The following MAML2 variants were observed in gnomAD, a reference collection of about 807,000 sequenced individuals.
The protein encoded by MAML2 is mastermind like transcriptional coactivator 2.
MAML2 carries 22 observed loss-of-function variants against 96.1 expected under a neutral mutation model. The ratio of observed to expected loss-of-function variants is 0.23; its 90% CI spans 0.16 to 0.33. The LOEUF (loss-of-function observed/expected upper bound fraction) is 0.33. MAML2 is among the 10% of genes least tolerant of loss of function. The probability of loss-of-function intolerance (pLI) is 1.00; values close to 1 mark genes in which losing one functional copy is unlikely to be tolerated. For missense variants in MAML2, 1,367 were observed against 1,392.4 expected, an observed-to-expected ratio of 0.98 and a Z score of 0.29; for synonymous variants, 561 against 521.3, an observed-to-expected ratio of 1.08 and a Z score of -1.04.
chr11:96,218,215 G>T (rs1241385376), intron 1 of MAML2, among the ~76,000 whole-genome samples: 1 of 152,232 alleles, frequency 6.6e-6, no homozygotes, highest in Non-Finnish European at 1.5e-5. Flanking sequence ...ACAGAAGGCA[G>T]CTGTAACGCA....
chr11:96,103,957 G>A (rs1000311294), intron 1 of MAML2, among the ~76,000 whole-genome samples: 1 of 152,146 alleles, frequency 6.6e-6, no homozygotes, highest in Middle Eastern at 3.4e-3. Flanking sequence ...TCCTCTCACC[G>A]GATATGCTCT....
At chr11:95,995,202 C>T (rs961871954) in intron 2 of MAML2, among the ~76,000 whole-genome samples, 30 of 152,198 alleles carry the variant, frequency 2.0e-4, no homozygotes, top group African/African-American at 7.0e-4. Context: ...TGTCAGGTCT[C>T]TGAGAAATGT....
chr11:96,068,895 T>C, intron 2 of MAML2, among the ~76,000 whole-genome samples: 1 of 150,410 alleles, frequency 6.6e-6, no homozygotes, highest in Non-Finnish European at 1.5e-5. Context: ...AAGCGATAAT[T>C]TTTCCTTCCT....
intron 1 of MAML2, among the ~76,000 whole-genome samples, chr11:96,279,090 TTGAC>T (rs140101929): frequency 0.028 from 4,302 of 152,146 alleles, 86 homozygotes; most frequent in Non-Finnish European, 0.046. Flanking sequence ...AAAAGACTGA[TTGAC>T]TGACATGAAG....
rs534622501 is a variant in MAML2 at position 96,130,770 on chromosome 11, A to AAT, written c.514-37254_514-37253insAT. 5.5e-4 allele frequency among the ~76,000 whole-genome samples: 81 copies of AAT among 147,538 alleles called. 1 individual carries two copies. The South Asian group carries it at 0.017, about 31-fold the overall frequency. ...TTACTTGACCAAATTGTTTATTCTG[A>AAT]TTTTTTTTTTTTTAGTAATTAAAAC... is the stretch of plus-strand genomic sequence containing the variant. On this transcript the variant is annotated intron_variant, in intron 1 of 4. Coordinates refer to ENST00000524717, the MANE Select transcript of MAML2 (RefSeq NM_032427.4).
intron 1 of MAML2, among the ~76,000 whole-genome samples, chr11:96,130,342 AG>A (rs1860525168): frequency 6.6e-6 from 1 of 152,216 alleles, no homozygotes; most frequent in African/African-American, 2.4e-5. Flanking sequence ...AAACTCAAGA[AG>A]GATATGTGAT....
intron 1 of MAML2, among the ~76,000 whole-genome samples, chr11:96,268,763 C>G (rs958838869): frequency 3.7e-5 from 4 of 109,408 alleles, no homozygotes; most frequent in Admixed American, 2.2e-4. Flanking sequence ...GGGGAGTTCC[C>G]CTGCACACGA....
chr11:96,167,695 A>C (rs559848192), intron 1 of MAML2, among the ~76,000 whole-genome samples: 1 of 152,308 alleles, frequency 6.6e-6, no homozygotes, highest in South Asian at 2.1e-4. Flanking sequence ...CCGATTCTTC[A>C]ATACCAGCTG....
intron 2 of MAML2, among the ~76,000 whole-genome samples, chr11:96,058,763 C>G (rs954802790): frequency 6.6e-6 from 1 of 152,156 alleles, no homozygotes; most frequent in African/African-American, 2.4e-5. Flanking sequence ...AGTTATAGTC[C>G]AACAATCCCA....
At chr11:96,215,696 C>A (rs972830672) in intron 1 of MAML2, among the ~76,000 whole-genome samples, 6 of 152,076 alleles carry the variant, frequency 3.9e-5, no homozygotes, top group African/African-American at 1.4e-4. Flanking sequence ...TCCTGCACTT[C>A]CTCCTCCACA....
At chr11:96,158,927 G>A (rs1861053808) in intron 1 of MAML2, among the ~76,000 whole-genome samples, 1 of 152,126 alleles carries the variant, frequency 6.6e-6, no homozygotes, top group South Asian at 2.1e-4. Flanking sequence ...CCCAAAAGGT[G>A]TGCCTTTGGG....
chr11:96,092,814 G>A lies in MAML2; in HGVS notation c.1217C>T (p.Ser406Leu), dbSNP rs1859749298. The A allele has an allele frequency of 6.2e-7, 1 of 1,610,640 alleles. No individual in the cohort carries two copies. Among genetic ancestry groups the A allele is most frequent in the African/African-American group, 1.3e-5 (1 of 74,908 alleles). Residue 406 changes from serine to leucine, a missense_variant, in exon 2 of 5, where the codon TCA becomes TTA. Transcript: ENST00000524717. This position sits in a 1 kb window ranked among gnomAD's most constrained non-coding sequence, Gnocchi z 4.1. ...AGGCTGAGCCTGGCTCTGAGGGACTGAAGGGATTGGAGACGAAGTGGAGAG... is the reference window on the plus strand; with the variant it reads ...AGGCTGAGCCTGGCTCTGAGGGACTAAAGGGATTGGAGACGAAGTGGAGAG... ...SALSTSSPIP[S>L]VPQSQAQPQT... is the part of the protein sequence containing the mutation.
At chr11:96,243,078 T>C (rs1401715122) in intron 1 of MAML2, among the ~76,000 whole-genome samples, 1 of 151,860 alleles carries the variant, frequency 6.6e-6, no homozygotes, top group African/African-American at 2.4e-5. Flanking sequence ...ACCCCCTCTT[T>C]GTTAAAATAA....
In MAML2 at chr11:96,095,767, T is replaced by C. The variant is rs150242504; in HGVS notation, c.514-2250A>G. On this transcript the variant is annotated intron_variant, in intron 1 of 4. Coordinates refer to ENST00000524717, the MANE Select transcript of MAML2 (RefSeq NM_032427.4). ...AAGCTAATACAAATTGGGCATCTGT[T>C]ACTTTCAACAAAGAGTTCTAACCAA... 9.8e-3 allele frequency among the ~76,000 whole-genome samples: 1,496 copies of C among 152,352 alleles called. 19 individuals are homozygous for C. Among genetic ancestry groups the C allele is most frequent in the South Asian group, 0.039 (187 of 4,830 alleles).
chr11:96,205,670 C>CAGT (rs1861885713), intron 1 of MAML2, among the ~76,000 whole-genome samples: 1 of 152,218 alleles, frequency 6.6e-6, no homozygotes, highest in East Asian at 1.9e-4. Context: ...ATTGCTCTTG[C>CAGT]AGTAGCCCAA....
At chr11:96,034,432 T>TGTGTGAGAGAGAGA (rs549312275) in intron 2 of MAML2, among the ~76,000 whole-genome samples, 1 of 135,654 alleles carries the variant, frequency 7.4e-6, no homozygotes, top group Non-Finnish European at 1.6e-5. Flanking sequence ...TGTGTGTGTG[T>TGTGTGAGAGAGAGA]GAGAGAGAGA....
At chr11:96,005,890 C>T (rs1445030686) in intron 2 of MAML2, among the ~76,000 whole-genome samples, 1 of 152,128 alleles carries the variant, frequency 6.6e-6, no homozygotes, top group Non-Finnish European at 1.5e-5. Context: ...ATGTATTAAT[C>T]TGTAAAGTAA....
At chr11:96,239,572 G>GTTTAT (rs1862405532) in intron 1 of MAML2, among the ~76,000 whole-genome samples, 1 of 151,764 alleles carries the variant, frequency 6.6e-6, no homozygotes, top group African/African-American at 2.4e-5. Context: ...TGTATCTTGA[G>GTTTAT]TTTATGTTTT....
intron 1 of MAML2, among the ~76,000 whole-genome samples, chr11:96,212,139 GTGTGTGTGTGT>G (rs1861981629): frequency 1.3e-5 from 2 of 149,366 alleles, no homozygotes; most frequent in Admixed American, 6.7e-5. Context: ...GTGTGTGTGT[GTGTGTGTGTGT>G]GGAAGGGGGA....
Sources: allele counts gnomAD v4.1 joint callset (sites outside exome capture counted in the v4.1 genomes callset), GRCh38; gene constraint gnomAD v4.1.1; non-coding constraint Gnocchi (gnomAD v3.1); transcripts MANE v1.5; gene names NCBI Gene and HGNC (gene_info 2026-07-23, HGNC 2026-07-21).